Variants in PRKDC observed in about 807,000 individuals in gnomAD.
PRKDC encodes DNA-dependent protein kinase catalytic subunit.
In PRKDC, 82 loss-of-function variants were observed where a neutral mutation model predicts 486.9. That is an observed-to-expected ratio of 0.17 (90% CI 0.14 to 0.20). The LOEUF is 0.20. Ranked by LOEUF, PRKDC falls within the 10% of genes least tolerant of loss-of-function variation. PRKDC has a pLI of 1.00. For missense variants in PRKDC, 4,504 were observed against 5,038.2 expected (o/e 0.89, Z 3.21); for synonymous variants, 1,895 against 1,837.0 (o/e 1.03, Z -0.81).
At chr8:47,909,994 G>A (rs904952255) in intron 25 of PRKDC, among the ~76,000 whole-genome samples, 3 of 152,010 alleles carry the variant, frequency 2.0e-5, no homozygotes, top group African/African-American at 7.2e-5. Flanking sequence ...CGTGATCTTT[G>A]TGACCTACTC....
At chr8:47,945,236 ATC>A (rs2090512679) in intron 7 of PRKDC, among the ~76,000 whole-genome samples, 2 of 152,142 alleles carry the variant, frequency 1.3e-5, no homozygotes, top group Non-Finnish European at 2.9e-5. Flanking sequence ...ATGGTCTTGT[ATC>A]TGTTTTTTTC....
At chr8:47,826,153 C>T (rs1384120063) in intron 63 of PRKDC, among the ~76,000 whole-genome samples, 1 of 152,186 alleles carries the variant, frequency 6.6e-6, no homozygotes, top group Non-Finnish European at 1.5e-5. Flanking sequence ...CAGAATTAGG[C>T]TTTCATATGA....
chr8:47,944,470 T>C (rs1346504252), intron 7 of PRKDC, among the ~76,000 whole-genome samples: 1 of 136,218 alleles, frequency 7.3e-6, no homozygotes, highest in Non-Finnish European at 1.5e-5. Context: ...ACCTAGTACA[T>C]GTAAGAAAAA....
intron 73 of PRKDC, among the ~76,000 whole-genome samples, chr8:47,796,673 C>T (rs915206633): frequency 2.0e-5 from 3 of 151,810 alleles, no homozygotes; most frequent in Admixed American, 1.3e-4. Flanking sequence ...CACCTCGGCT[C>T]ACTGCAACCT....
chr8:47,910,725 G>T (rs566387299), intron 25 of PRKDC, among the ~76,000 whole-genome samples: 5 of 152,206 alleles, frequency 3.3e-5, no homozygotes, highest in Admixed American at 3.3e-4. Flanking sequence ...AATTGATTTG[G>T]GGAAACGACG....
chr8:47,858,218 G>T (rs867594267), intron 48 of PRKDC, among the ~76,000 whole-genome samples: 3 of 150,194 alleles, frequency 2.0e-5, no homozygotes, highest in African/African-American at 2.5e-5. Context: ...CTACTATAAG[G>T]AAAGAACGTT....
rs764260430 is a variant in PRKDC at position 47,837,133 on chromosome 8, C to T, written c.7761+79G>A. ...ATGTGTATTCTGAGAAGGCAAAGAG[C>T]CAGTCAAAGCTATTAAAAATGTTCA... On this transcript the variant is annotated intron_variant, in intron 57 of 85. Coordinates refer to ENST00000314191, the MANE Select transcript of PRKDC (RefSeq NM_006904.7). 232 of 1,366,648 alleles carry T rather than the reference C, an allele frequency of 1.7e-4. 2 individuals carry two copies. The highest frequency in any genetic ancestry group is 1.3e-3 in the Middle Eastern group (7 of 5,548). The allele number at this position is 1,366,648 out of a possible 1,614,324, so 84.7% of individuals were successfully genotyped here. A position where few individuals can be genotyped will look rare whatever the true frequency, so the allele number is the denominator to read the frequency against.
chr8:47,799,520 G>A, intron 71 of PRKDC, 130 bp from the exon 72 acceptor site: 5 of 935,698 alleles, frequency 5.3e-6, no homozygotes, highest in Non-Finnish European at 6.0e-6. Context: ...TATGGAACTG[G>A]AAAAACAAGA....
At chr8:47,803,553 C>T in intron 69 of PRKDC, 73 bp from the exon 70 acceptor site, 1 of 1,429,704 alleles carries the variant, frequency 7.0e-7, no homozygotes, top group Non-Finnish European at 9.8e-7. Flanking sequence ...AATTGGCCTG[C>T]TTCCCCCTTT....
At chr8:47,776,759 T>C (rs759806495) in intron 85 of PRKDC, 85 bp downstream of exon 85, 2 of 1,510,320 alleles carry the variant, frequency 1.3e-6, no homozygotes, top group Non-Finnish European at 1.8e-6. Context: ...TGTCAAGAGC[T>C]CAGCACTTTG....
chr8:47,866,949 G>A (rs2088831982), intron 40 of PRKDC, among the ~76,000 whole-genome samples: 1 of 151,890 alleles, frequency 6.6e-6, no homozygotes, highest in Non-Finnish European at 1.5e-5. Flanking sequence ...CGTTGCTCAG[G>A]CTGGTCTCAA....
chr8:47,839,274 A>G, intron 55 of PRKDC, 28 bp from the exon 56 acceptor site: 1 of 1,482,572 alleles, frequency 6.7e-7, no homozygotes, highest in Non-Finnish European at 9.4e-7. Context: ...AAAATGTCAC[A>G]ACATTAATGC....
At chr8:47,854,487 C>T (rs2088487959) in intron 50 of PRKDC, among the ~76,000 whole-genome samples, 2 of 152,052 alleles carry the variant, frequency 1.3e-5, no homozygotes, top group South Asian at 2.1e-4. Context: ...TACAGACGCC[C>T]GCCACCACAC....
intron 40 of PRKDC, among the ~76,000 whole-genome samples, chr8:47,876,916 GC>G (rs1309346896): frequency 1.3e-5 from 2 of 152,130 alleles, no homozygotes; most frequent in Non-Finnish European, 2.9e-5. Flanking sequence ...CATGCACATG[GC>G]TAGTCAATCC....
chr8:47,871,299 C>A (rs1300074062), intron 40 of PRKDC, among the ~76,000 whole-genome samples: 1 of 152,036 alleles, frequency 6.6e-6, no homozygotes, highest in Non-Finnish European at 1.5e-5. Flanking sequence ...CAAGCAATCA[C>A]CCAGAAGTCA....
Position 47,785,175 on chromosome 8 carries a change from T to G in PRKDC, c.11045A>C (p.Glu3682Ala). The change falls in exon 77 of 86, where the codon GAA (glutamate) becomes GCA (alanine). Residue 3682 changes from glutamate to alanine, a missense_variant. Physicochemically the swap from Glu to Ala is moderately radical, Grantham distance 107. This residue lies in a region of PRKDC where 706 missense variants were observed against 945.0 expected (regional missense o/e 0.75). Transcript: ENST00000314191. ...KDSKPPGNLK[E>A]CSPWMSDFKV... ...GAAGTCGCTCATCCAGGGTGAACAT[T>G]CTTTCAGATTCCCAGGGGGCTTTGA... 6.2e-7 allele frequency: 1 copy of G among 1,613,962 alleles called. No homozygotes were observed. The highest frequency in any genetic ancestry group is 8.5e-7 in the Non-Finnish European group (1 of 1,179,886).
chr8:47,860,146 G>A (rs1466006122), intron 45 of PRKDC, among the ~76,000 whole-genome samples: 2 of 152,026 alleles, frequency 1.3e-5, no homozygotes, highest in Non-Finnish European at 2.9e-5. Context: ...TTAGAAAACT[G>A]GTCCAAATTT....
intron 54 of PRKDC, among the ~76,000 whole-genome samples, chr8:47,845,560 T>A (rs1589737687): frequency 6.6e-6 from 1 of 151,852 alleles, no homozygotes; most frequent in Non-Finnish European, 1.5e-5. Flanking sequence ...GATACATTCC[T>A]GGAAACATAC....
chr8:47,826,843 C>G lies in PRKDC; in HGVS notation c.8596G>C (p.Ala2866Pro). 6.3e-7 allele frequency: 1 copy of G among 1,587,964 alleles called. No homozygotes were observed. The highest frequency in any genetic ancestry group is 1.1e-5 in the South Asian group (1 of 88,190). ...GCTGGGTCGAGGCTCAGCAGGGCTG[C>G]GTGCTGACAGCTAATGTCCTGTGAA... ...SCIQDISCQH[A>P]ALLSLDPAAV... The change falls in exon 63 of 86, where the codon GCA becomes CCA. Residue 2866 changes from alanine to proline, a missense_variant. By Grantham distance (27) the Ala-to-Pro change is conservative (BLOSUM62 -1). Coordinates refer to ENST00000314191, the MANE Select transcript of PRKDC (RefSeq NM_006904.7).
Sources: gnomAD v4.1 joint callset for allele counts (sites outside exome capture counted in the v4.1 genomes callset) on GRCh38, gnomAD v4.1.1 for gene constraint, gnomAD v4.1.1 regional missense constraint, MANE v1.5 for transcripts, NCBI Gene and HGNC (gene_info 2026-07-23, HGNC 2026-07-21) for gene names.